Variants in CFAP299 observed in about 807,000 individuals in gnomAD.
CFAP299 encodes cilia- and flagella-associated protein 299.
A neutral mutation model predicts 27.0 loss-of-function variants in CFAP299; 21 were observed. The observed-to-expected ratio is 0.78, with a 90% confidence interval of 0.55 to 1.12. The LOEUF (loss-of-function observed/expected upper bound fraction) is 1.12. Among genes scored for constraint, CFAP299 ranks in the 50% most tolerant of loss-of-function variants. The probability of loss-of-function intolerance (pLI) is 0.00; values close to 1 mark genes in which losing one functional copy is unlikely to be tolerated. For missense variants in CFAP299, 310 were observed against 276.6 expected (o/e 1.12, Z -0.86); for synonymous variants, 104 against 98.1 (o/e 1.06, Z -0.36).
intron 2 of CFAP299, among the ~76,000 whole-genome samples, chr4:80,485,701 G>T (rs977132890): frequency 9.2e-5 from 14 of 151,874 alleles, no homozygotes; most frequent in African/African-American, 3.4e-4. Flanking sequence ...AAGAGAAAAG[G>T]AAAGAAAAAA....
At chr4:80,865,310 A>G (rs1732658328) in intron 3 of CFAP299, among the ~76,000 whole-genome samples, 1 of 152,234 alleles carries the variant, frequency 6.6e-6, no homozygotes, top group African/African-American at 2.4e-5. Flanking sequence ...TTTGAAATGA[A>G]TACACAATTA....
chr4:80,356,381 G>A (rs1049842039), intron 1 of CFAP299, among the ~76,000 whole-genome samples: 1 of 152,132 alleles, frequency 6.6e-6, no homozygotes, highest in Admixed American at 6.5e-5. Context: ...AAATTTCAGT[G>A]ATAGTTTAAT....
chr4:80,648,973 G>A (rs1265620568), intron 3 of CFAP299: 1 of 152,132 alleles, frequency 6.6e-6, no homozygotes, highest in African/African-American at 2.4e-5. Flanking sequence ...TTGACACCAA[G>A]GAGATAGATG....
intron 3 of CFAP299, among the ~76,000 whole-genome samples, chr4:80,730,228 TTCTCTC>T (rs569112636): frequency 1.5e-5 from 2 of 134,126 alleles, no homozygotes; most frequent in Non-Finnish European, 3.2e-5. Flanking sequence ...AGGTCTCTCT[TTCTCTC>T]TCTCTCTCTC....
intron 2 of CFAP299, among the ~76,000 whole-genome samples, chr4:80,547,751 C>A (rs1734309721): frequency 6.6e-6 from 1 of 152,006 alleles, no homozygotes; most frequent in South Asian, 2.1e-4. Flanking sequence ...AAAAGACATA[C>A]AAACCGCTAA....
Position 80,370,329 on chromosome 4 carries a change from A to C in CFAP299, c.242+7445A>C, listed in dbSNP as rs530799865. On this transcript the variant is annotated intron_variant, in intron 2 of 5. Coordinates refer to ENST00000358105, the MANE Select transcript of CFAP299 (RefSeq NM_152770.3). Reference sequence around the variant, plus strand: ...TGAGATTTGATGAGGACACAGATTCAAACCATATTATTCTGTCCCTGGGCT... The same window carrying C: ...TGAGATTTGATGAGGACACAGATTCCAACCATATTATTCTGTCCCTGGGCT... 5.3e-5 allele frequency among the ~76,000 whole-genome samples: 8 copies of C among 152,278 alleles called. No individual in the cohort carries two copies. The South Asian group carries it at 1.4e-3, about 28-fold the overall frequency.
intron 5 of CFAP299, among the ~76,000 whole-genome samples, chr4:80,951,010 C>T (rs113480483): frequency 6.6e-6 from 1 of 152,150 alleles, no homozygotes; most frequent in African/African-American, 2.4e-5. Flanking sequence ...TATGAAAATA[C>T]ATAATCCATT....
chr4:80,941,577 A>G (rs1737196776), intron 4 of CFAP299, among the ~76,000 whole-genome samples: 1 of 152,210 alleles, frequency 6.6e-6, no homozygotes, highest in Admixed American at 6.5e-5. Flanking sequence ...CAAAGTCCAA[A>G]TATCTTTCAC....
chr4:80,796,154 TCCA>T, intron 3 of CFAP299, among the ~76,000 whole-genome samples: 1 of 152,126 alleles, frequency 6.6e-6, no homozygotes, highest in East Asian at 1.9e-4. Context: ...TCCAAATAGG[TCCA>T]CTAGGCATTG....
At chr4:80,878,450 A>G (rs1395164922) in intron 4 of CFAP299, among the ~76,000 whole-genome samples, 1 of 152,110 alleles carries the variant, frequency 6.6e-6, no homozygotes, top group East Asian at 1.9e-4. Flanking sequence ...ATCAGGAAGC[A>G]CCTAATGTCA....
At chr4:80,871,540 T>C (rs1477546187) in intron 4 of CFAP299, 14 of 985,468 alleles carry the variant, frequency 1.4e-5, no homozygotes, top group Non-Finnish European at 1.6e-5. Flanking sequence ...AAGCCTGCTA[T>C]TGCTTCTGTG....
chr4:80,740,494 A>G (rs1359961877), intron 3 of CFAP299, among the ~76,000 whole-genome samples: 1 of 152,072 alleles, frequency 6.6e-6, no homozygotes, highest in African/African-American at 2.4e-5. Context: ...GTGTGTGCTG[A>G]TTCACCTGGA....
intron 2 of CFAP299, among the ~76,000 whole-genome samples, chr4:80,445,808 T>C (rs1578451959): frequency 1.3e-5 from 2 of 152,228 alleles, no homozygotes; most frequent in African/African-American, 4.8e-5. Flanking sequence ...GAAGATGAAT[T>C]TTGTTATACA....
At chr4:80,723,547 A>G (rs147256050) in intron 3 of CFAP299, among the ~76,000 whole-genome samples, 1,597 of 152,252 alleles carry the variant, frequency 0.01, 21 homozygotes, top group African/African-American at 0.036. Flanking sequence ...AAGAAACTAC[A>G]TCTGTGGTTG....
chr4:80,541,845 G>A (rs1334353628), intron 2 of CFAP299, among the ~76,000 whole-genome samples: 1 of 152,086 alleles, frequency 6.6e-6, no homozygotes, highest in Non-Finnish European at 1.5e-5. Flanking sequence ...AAATAATGTT[G>A]TAGGAGTTTC....
chr4:80,535,494 CAAAAAAAAAAAAAA>C (rs143122836), intron 2 of CFAP299, among the ~76,000 whole-genome samples: 4 of 33,280 alleles, frequency 1.2e-4, no homozygotes, highest in South Asian at 1.1e-3. Flanking sequence ...GACTCCGTCT[CAAAAAAAAAAAAAA>C]AAAAAAAAAA....
chr4:80,794,007 G>C (rs1727714822), intron 3 of CFAP299, among the ~76,000 whole-genome samples: 1 of 152,132 alleles, frequency 6.6e-6, no homozygotes, highest in Admixed American at 6.5e-5. Flanking sequence ...GTCTGGATTG[G>C]TCTGTTGTAG....
At chr4:80,650,754 T>C (rs1740236929) in intron 3 of CFAP299, among the ~76,000 whole-genome samples, 1 of 152,182 alleles carries the variant, frequency 6.6e-6, no homozygotes, top group African/African-American at 2.4e-5. Context: ...GTTTTCTTTT[T>C]TGTTATTTTA....
chr4:80,651,818 A>G (rs527891258), intron 3 of CFAP299, among the ~76,000 whole-genome samples: 31 of 151,004 alleles, frequency 2.1e-4, no homozygotes, highest in Admixed American at 1.3e-3. Context: ...TTGTCAGTTG[A>G]CCATATATCA....
Sources: allele counts gnomAD v4.1 joint callset (sites outside exome capture counted in the v4.1 genomes callset), GRCh38; gene constraint gnomAD v4.1.1; transcripts MANE v1.5; gene names NCBI Gene and HGNC (gene_info 2026-07-23, HGNC 2026-07-21).